Variants in MIER2 observed in about 807,000 individuals in gnomAD.
The protein encoded by MIER2 is MIER family member 2, also known as mesoderm induction early response protein 2.
A neutral mutation model predicts 67.6 loss-of-function variants in MIER2; 30 were observed. That is an observed-to-expected ratio of 0.44 (90% confidence interval 0.33 to 0.60). MIER2 has a LOEUF of 0.60. MIER2 is among the 20% of genes least tolerant of loss of function. MIER2 has a pLI of 0.02. For synonymous variants in MIER2, 372 were observed against 312.6 expected (o/e 1.19, Z -2.00); for missense variants, 702 against 745.1 (o/e 0.94, Z 0.67).
At position 327,182 on chromosome 19, in the gene MIER2, C is replaced by T. The variant is rs7256086; in HGVS notation, c.444G>A (p.Pro148=). The T allele has an allele frequency of 0.1, 159,141 of 1,596,484 alleles. 9,799 individuals carry two copies. Among genetic ancestry groups the T allele is most frequent in the African/African-American group, 0.26 (19,118 of 72,856 alleles). Residue 148 remains proline (P), a synonymous_variant, in exon 5 of 14, where the codon CCG becomes CCA. Transcript: ENST00000264819. Reference sequence around the variant, plus strand: ...CGGAGGCCTCGTGGGAGGTCACGGACGGGGTGAGGTCGTCAGCAGATGATT... The same window carrying T: ...CGGAGGCCTCGTGGGAGGTCACGGATGGGGTGAGGTCGTCAGCAGATGATT... ...ETQSSADDLT[P]SVTSHEASDL...
Position 308,576 on chromosome 19 carries a change from C to A in MIER2, c.1198+1G>T. 1 of 1,598,744 alleles carries A rather than the reference C, an allele frequency of 6.3e-7. No homozygotes were observed. Among genetic ancestry groups the A allele is most frequent in the Non-Finnish European group, 8.5e-7 (1 of 1,174,560 alleles). ...GGCAGGAGATACTCCCCAAGCCTCACCTGTGCGCATCCCAGTCAGGGTGTC... is the reference window on the plus strand; with the variant it reads ...GGCAGGAGATACTCCCCAAGCCTCAACTGTGCGCATCCCAGTCAGGGTGTC... On this transcript the variant is annotated splice_donor_variant, in intron 12 of 13. Coordinates refer to ENST00000264819, the MANE Select transcript of MIER2 (RefSeq NM_017550.3). LOFTEE classifies it high-confidence loss of function. The surrounding 1 kb of genome is among the most constrained non-coding windows in gnomAD (Gnocchi z 9.1).
intron 7 of MIER2, among the ~76,000 whole-genome samples, chr19:318,197 G>A (rs1397490016): frequency 6.6e-6 from 1 of 152,062 alleles, no homozygotes; most frequent in East Asian, 1.9e-4. Flanking sequence ...CAAAAAACAA[G>A]ATCTAAACAT....
chr19:321,436 G>C (rs545600144), intron 7 of MIER2, among the ~76,000 whole-genome samples: 50 of 152,232 alleles, frequency 3.3e-4, no homozygotes, highest in Non-Finnish European at 5.4e-4. Context: ...CCTGAGGTTG[G>C]GAGTTCGAGA....
intron 12 of MIER2, 140 bp from the exon 13 acceptor site, chr19:307,676 A>AG (rs1784307454): frequency 3.3e-6 from 3 of 910,146 alleles, no homozygotes; most frequent in Non-Finnish European, 4.6e-6. Context: ...AAAAGACACC[A>AG]GTTACACTGA....
intron 7 of MIER2, among the ~76,000 whole-genome samples, chr19:322,083 T>G (rs1470857121): frequency 6.6e-6 from 1 of 151,932 alleles, no homozygotes; most frequent in East Asian, 1.9e-4. Flanking sequence ...TTTTGTATTT[T>G]TAGTAGAGAC....
At position 305,860 on chromosome 19, in the gene MIER2, G is replaced by C. The variant is rs1020626804; in HGVS notation, c.*830C>G. ...GCTTCCCACAGAAGGAAGACCTGCA[G>C]GGCTGGGGAAACAGGCTGGAGTCTG... On this transcript the variant is annotated 3_prime_UTR_variant, in exon 14 of 14. Coordinates refer to ENST00000264819, the MANE Select transcript of MIER2 (RefSeq NM_017550.3). 6.6e-6 allele frequency: 1 copy of C among 152,486 alleles called. No homozygotes were observed. The highest frequency in any genetic ancestry group is 1.5e-5 in the Non-Finnish European group (1 of 68,088). The allele number at this position is 152,486 out of a possible 1,614,324, so 9.4% of individuals were successfully genotyped here.
intron 1 of MIER2, among the ~76,000 whole-genome samples, chr19:342,667 T>C (rs1351442768): frequency 6.6e-6 from 1 of 150,848 alleles, no homozygotes; most frequent in African/African-American, 2.4e-5. Flanking sequence ...CTTATGATTA[T>C]TCTGGGATAC....
At chr19:322,407 G>A (rs1345943007) in intron 7 of MIER2, among the ~76,000 whole-genome samples, 1 of 152,138 alleles carries the variant, frequency 6.6e-6, no homozygotes, top group Non-Finnish European at 1.5e-5. Context: ...ACATCACTAA[G>A]AGAGTCAATG....
At chr19:344,113 G>C in intron 1 of MIER2, 7 of 985,432 alleles carry the variant, frequency 7.1e-6, no homozygotes, top group Non-Finnish European at 8.4e-6. Context: ...GGAGGCTCCA[G>C]AAGTAACTTC....
In MIER2 at chr19:325,670, A is replaced by G; in HGVS notation, c.620T>C (p.Leu207Pro). ...IMVGPQFQAD[L>P]SNLHLNRHCE... ...GTGCCGGTTCAAGTGCAGGTTGCTG[A>G]GGTCAGCTTGGAACTGAGGTCCCAC... Residue 207 changes from leucine to proline, a missense_variant, in exon 7 of 14, where the codon CTC (leucine) becomes CCC (proline). Physicochemically the swap from Leu to Pro is moderately conservative, Grantham distance 98. This residue lies in a region of MIER2 where 320 missense variants were observed against 292.6 expected (regional missense o/e 1.09). Coordinates refer to ENST00000264819, the MANE Select transcript of MIER2 (RefSeq NM_017550.3). The G allele has an allele frequency of 6.2e-7, 1 of 1,614,168 alleles. No individual in the cohort carries two copies. Among genetic ancestry groups the G allele is most frequent in the Non-Finnish European group, 8.5e-7 (1 of 1,180,032 alleles).
chr19:308,981 G>C lies in MIER2; in HGVS notation c.985-56C>G. ...CCCCGGCTGCCCAGCCCCAGCACCTGCACCACGATCCCAGGACGTCCTGGG... is the reference window on the plus strand; with the variant it reads ...CCCCGGCTGCCCAGCCCCAGCACCTCCACCACGATCCCAGGACGTCCTGGG... On this transcript the variant is annotated intron_variant, in intron 10 of 13. Transcript: ENST00000264819. The surrounding 1 kb of genome is among the most constrained non-coding windows in gnomAD (Gnocchi z 9.1). 1.3e-6 allele frequency: 2 copies of C among 1,568,728 alleles called. No individual in the cohort carries two copies. The highest frequency in any genetic ancestry group is 1.8e-4 in the Middle Eastern group (1 of 5,468).
chr19:309,473 C>T (rs1467812581), intron 10 of MIER2, among the ~76,000 whole-genome samples: 1 of 152,126 alleles, frequency 6.6e-6, no homozygotes, highest in African/African-American at 2.4e-5. Context: ...CAGAAGACAC[C>T]GCAGAAGGAC....
In MIER2 at chr19:308,718, C is replaced by G. The variant is rs1233934281; in HGVS notation, c.1110-53G>C. The G allele has an allele frequency of 1.9e-6, 3 of 1,594,668 alleles. No homozygotes were observed. In the African/African-American group the frequency reaches 4.0e-5, roughly 21 times the overall value. On this transcript the variant is annotated intron_variant, in intron 11 of 13. Transcript: ENST00000264819. This position sits in a 1 kb window ranked among gnomAD's most constrained non-coding sequence, Gnocchi z 9.1. ...GGCAGACAGGACAGACGCCCCCACC[C>G]AAGAGGTGCCGCCCAGGCGCCCACG... is the stretch of plus-strand genomic sequence containing the variant.
chr19:306,277 G>A lies in MIER2; in HGVS notation c.*413C>T. ...GGGAGCTGAGGGCGCCCCGGCGGAGGCTGCTGGTGCGGGGCAGGGCGTCCT... is the reference window on the plus strand; with the variant it reads ...GGGAGCTGAGGGCGCCCCGGCGGAGACTGCTGGTGCGGGGCAGGGCGTCCT... On this transcript the variant is annotated 3_prime_UTR_variant, in exon 14 of 14. Coordinates refer to ENST00000264819, the MANE Select transcript of MIER2 (RefSeq NM_017550.3). 4.3e-6 allele frequency: 1 copy of A among 230,076 alleles called. No homozygotes were observed. The highest frequency in any genetic ancestry group is 8.4e-6 in the Non-Finnish European group (1 of 118,554). The allele number at this position is 230,076 out of a possible 1,614,324, so 14.3% of individuals were successfully genotyped here.
At chr19:340,615 G>C (rs765574443) in intron 1 of MIER2, 1 of 152,970 alleles carries the variant, frequency 6.5e-6, no homozygotes, top group South Asian at 2.1e-4. Flanking sequence ...TTCCTGTCTC[G>C]GGGTGGCAGA....
chr19:319,598 A>C (rs904554608), intron 7 of MIER2, among the ~76,000 whole-genome samples: 1 of 152,174 alleles, frequency 6.6e-6, no homozygotes, highest in African/African-American at 2.4e-5. Flanking sequence ...AGCTGGGACT[A>C]CAGTTGCGTG....
At chr19:315,268 G>C (rs1380968357) in intron 7 of MIER2, among the ~76,000 whole-genome samples, 2 of 151,746 alleles carry the variant, frequency 1.3e-5, no homozygotes, top group African/African-American at 4.8e-5. Context: ...GGGAGGCTGA[G>C]GGAGGAGAAT....
chr19:344,702 G>A (rs1256225579), intron 1 of MIER2, 72 bp downstream of exon 1: 1 of 1,010,462 alleles, frequency 9.9e-7, no homozygotes, highest in Non-Finnish European at 1.2e-6. Context: ...CCCACGACGA[G>A]GCCGAGCCAC....
rs1289550822 is a variant in MIER2 at position 308,604 on chromosome 19, G to C, written c.1171C>G (p.Gln391Glu). 11 of 1,606,630 alleles carry C rather than the reference G, an allele frequency of 6.8e-6. No individual in the cohort carries two copies. The highest frequency in any genetic ancestry group is 9.3e-6 in the Non-Finnish European group (11 of 1,177,902). Residue 391 changes from glutamine (Q) to glutamate (E), a missense_variant, in exon 12 of 14, where the codon CAA (glutamine) becomes GAA (glutamate). Physicochemically the swap from Gln to Glu is conservative, Grantham distance 29. Around this residue, in one of 3 missense-constraint regions of MIER2, gnomAD observed 254 missense variants for 262.8 expected, o/e 0.97. Coordinates refer to ENST00000264819, the MANE Select transcript of MIER2 (RefSeq NM_017550.3). This position sits in a 1 kb window ranked among gnomAD's most constrained non-coding sequence, Gnocchi z 9.1. ...GTGCGCATCCCAGTCAGGGTGTCTT[G>C]CTCCGGGCGCGGACGGCCGGGGCCA... Reference protein sequence around the residue: ...PDGPGRPRPEQDTLTGMRTDP... With the variant: ...PDGPGRPRPEEDTLTGMRTDP...
Sources: allele counts gnomAD v4.1 joint callset (sites outside exome capture counted in the v4.1 genomes callset), GRCh38; gene constraint gnomAD v4.1.1; regional missense constraint gnomAD v4.1.1; non-coding constraint Gnocchi (gnomAD v3.1); transcripts MANE v1.5; gene names NCBI Gene and HGNC (gene_info 2026-07-23, HGNC 2026-07-21).